BAALC: variants seen among roughly 807,000 people sequenced by gnomAD.
The protein encoded by BAALC is brain and acute leukemia cytoplasmic protein.
In BAALC, 9 loss-of-function variants were observed where a neutral mutation model predicts 15.5. The observed-to-expected ratio is 0.58, with a 90% confidence interval of 0.35 to 1.02. The LOEUF is 1.02. Among genes scored for constraint, BAALC ranks in the 50% least tolerant of loss-of-function variants. The probability of loss-of-function intolerance (pLI) is 0.02; values close to 1 mark genes in which losing one functional copy is unlikely to be tolerated. For synonymous variants in BAALC, 80 were observed against 74.6 expected (o/e 1.07, Z -0.37); for missense variants, 201 against 192.4 (o/e 1.04, Z -0.27).
At chr8:103,160,102 C>T (rs939623226) in intron 1 of BAALC, among the ~76,000 whole-genome samples, 1 of 151,972 alleles carries the variant, frequency 6.6e-6, no homozygotes, top group African/African-American at 2.4e-5. Context: ...ATATATGTAA[C>T]AGTATTGTTA....
At chr8:103,217,035 A>C (rs567669042) in intron 2 of BAALC, among the ~76,000 whole-genome samples, 1 of 152,298 alleles carries the variant, frequency 6.6e-6, no homozygotes, top group East Asian at 1.9e-4. Context: ...CTTCAGCAGC[A>C]GTGGAAACTG....
chr8:103,195,066 C>T (rs933491929), intron 1 of BAALC, among the ~76,000 whole-genome samples: 2 of 152,102 alleles, frequency 1.3e-5, no homozygotes, highest in African/African-American at 2.4e-5. Flanking sequence ...GCTGGAGACC[C>T]TTCCTGTTCT....
chr8:103,145,261 T>G (rs570692929), intron 1 of BAALC, among the ~76,000 whole-genome samples: 1 of 152,392 alleles, frequency 6.6e-6, no homozygotes, highest in Admixed American at 6.5e-5. Flanking sequence ...TGTGAGACTC[T>G]TCCTGCTTCC....
intron 2 of BAALC, chr8:103,215,002 C>T (rs1163907217): frequency 6.6e-6 from 1 of 152,230 alleles, no homozygotes; most frequent in Admixed American, 6.5e-5. Context: ...AGCTTGATGA[C>T]TGCTCTACCA....
chr8:103,150,092 A>G (rs563667923), intron 1 of BAALC, among the ~76,000 whole-genome samples: 263 of 152,326 alleles, frequency 1.7e-3, no homozygotes, highest in Non-Finnish European at 2.7e-3. Flanking sequence ...TGAAAGGCAC[A>G]TCTCACATGG....
intron 1 of BAALC, among the ~76,000 whole-genome samples, chr8:103,179,846 T>C (rs1811686759): frequency 6.6e-6 from 1 of 152,216 alleles, no homozygotes; most frequent in Non-Finnish European, 1.5e-5. Flanking sequence ...TAGTGCAGGC[T>C]GAGGATGAAG....
intron 1 of BAALC, among the ~76,000 whole-genome samples, chr8:103,142,322 G>C (rs1810795465): frequency 6.6e-6 from 1 of 152,236 alleles, no homozygotes; most frequent in Non-Finnish European, 1.5e-5. Flanking sequence ...ATTGAGGACT[G>C]TCTGTGAAAG....
At chr8:103,156,615 G>A (rs1326435073) in intron 1 of BAALC, among the ~76,000 whole-genome samples, 2 of 152,136 alleles carry the variant, frequency 1.3e-5, no homozygotes, top group Admixed American at 6.5e-5. Flanking sequence ...CTTCTGAGAC[G>A]GTGGAATGTT....
At chr8:103,216,002 G>C (rs10089245) in intron 2 of BAALC, among the ~76,000 whole-genome samples, 20,963 of 152,200 alleles carry the variant, frequency 0.14, 1,712 homozygotes, top group South Asian at 0.23. Flanking sequence ...TTTGGTTTGA[G>C]ACTTATAAAT....
chr8:103,227,153 G>A (rs1392837001), intron 2 of BAALC, among the ~76,000 whole-genome samples: 1 of 152,146 alleles, frequency 6.6e-6, no homozygotes, highest in Non-Finnish European at 1.5e-5. Context: ...GTTCTTGTGG[G>A]TCATTCTTCC....
chr8:103,224,932 T>A (rs1812770621), intron 2 of BAALC, among the ~76,000 whole-genome samples: 1 of 152,010 alleles, frequency 6.6e-6, no homozygotes, highest in Non-Finnish European at 1.5e-5. Flanking sequence ...TAGATAGGAG[T>A]TGGGCAAGAT....
At chr8:103,197,108 C>G (rs1392448882) in intron 1 of BAALC, among the ~76,000 whole-genome samples, 1 of 152,168 alleles carries the variant, frequency 6.6e-6, no homozygotes, top group Non-Finnish European at 1.5e-5. Flanking sequence ...AAACAAAAGG[C>G]TTTCATTTAT....
intron 1 of BAALC, 75 bp downstream of exon 1, chr8:103,141,132 G>T (rs891249094): frequency 1.3e-4 from 180 of 1,362,596 alleles, no homozygotes; most frequent in Non-Finnish European, 1.6e-4. Context: ...TGAGAGAGGA[G>T]CCGGTTCCCT....
chr8:103,154,618 T>C (rs1325951925), intron 1 of BAALC: 1 of 153,496 alleles, frequency 6.5e-6, no homozygotes, highest in Non-Finnish European at 1.5e-5. Flanking sequence ...ACCTTTGGGG[T>C]GATGGGTGGG....
At chr8:103,164,911 G>T (rs1811311090) in intron 1 of BAALC, among the ~76,000 whole-genome samples, 1 of 152,138 alleles carries the variant, frequency 6.6e-6, no homozygotes, top group Non-Finnish European at 1.5e-5. Flanking sequence ...CAGGAATTGG[G>T]TCTTGCTCAT....
At chr8:103,173,981 A>G (rs886404752) in intron 1 of BAALC, among the ~76,000 whole-genome samples, 1 of 152,296 alleles carries the variant, frequency 6.6e-6, no homozygotes, top group South Asian at 2.1e-4. Flanking sequence ...AAGGAGCAAG[A>G]GGCTATGGAA....
At chr8:103,220,171 A>G (rs115378641) in intron 2 of BAALC, among the ~76,000 whole-genome samples, 285 of 152,296 alleles carry the variant, frequency 1.9e-3, no homozygotes, top group African/African-American at 6.7e-3. Context: ...GCTTTGGCAG[A>G]GTTGTGAGAG....
At position 103,228,907 on chromosome 8, in the gene BAALC, C is replaced by CTTGTCT. The variant is rs1191208329; in HGVS notation, c.*810_*815dup. On this transcript the variant is annotated 3_prime_UTR_variant, in exon 3 of 3. Transcript: ENST00000309982. ...TTGCATAGCTTTCCAGTTCCCTTTG[C>CTTGTCT]TTGTCTTCTTGACTGTCTTCCCTCT... 1.3e-5 allele frequency: 2 copies of CTTGTCT among 152,298 alleles called. No homozygotes were observed. Among genetic ancestry groups the CTTGTCT allele is most frequent in the African/African-American group, 4.8e-5 (2 of 41,456 alleles). 9.4% of individuals were successfully genotyped at this position (152,298 alleles called of 1,614,324 possible). A position where few individuals can be genotyped will look rare whatever the true frequency, so the allele number is the denominator to read the frequency against.
chr8:103,218,989 C>T (rs902649276), intron 2 of BAALC, among the ~76,000 whole-genome samples: 4 of 152,252 alleles, frequency 2.6e-5, no homozygotes, highest in South Asian at 2.1e-4. Flanking sequence ...GAGTCTCTCC[C>T]AGAAAAACAA....
Sources: allele counts gnomAD v4.1 joint callset (sites outside exome capture counted in the v4.1 genomes callset), GRCh38; gene constraint gnomAD v4.1.1; transcripts MANE v1.5; gene names NCBI Gene and HGNC (gene_info 2026-07-23, HGNC 2026-07-21).